Variants in CSMD1 observed in about 807,000 individuals in gnomAD.
The protein encoded by CSMD1 is CUB and Sushi multiple domains 1, also known as CUB and sushi domain-containing protein 1.
A neutral mutation model predicts 417.5 loss-of-function variants in CSMD1; 213 were observed. The ratio of observed to expected loss-of-function variants is 0.51; its 90% CI spans 0.46 to 0.57. The LOEUF is 0.57. Among genes scored for constraint, CSMD1 ranks in the 20% least tolerant of loss-of-function variants. CSMD1 has a pLI of 0.00. For missense variants in CSMD1, 6,923 were observed against 4,529.7 expected (o/e 1.53, Z -15.17); for synonymous variants, 2,862 against 1,736.8 (o/e 1.65, Z -16.11).
intron 2 of CSMD1, among the ~76,000 whole-genome samples, chr8:4,544,107 G>A (rs186658332): frequency 6.6e-6 from 1 of 152,074 alleles, no homozygotes. Context: ...GTCTTTCTTA[G>A]GGTTCTTAAT....
intron 1 of CSMD1, among the ~76,000 whole-genome samples, chr8:4,869,947 A>G (rs1290153803): frequency 3.3e-5 from 5 of 152,078 alleles, no homozygotes; most frequent in Admixed American, 2.6e-4. Context: ...CTAATCTACA[A>G]TAATCTTATA....
chr8:2,992,910 T>C (rs1328648308), intron 54 of CSMD1, among the ~76,000 whole-genome samples: 20 of 151,904 alleles, frequency 1.3e-4, no homozygotes, highest in Admixed American at 1.3e-3. Context: ...GCTGGCTAAT[T>C]TTTGTAGAGA....
chr8:4,303,259 T>C (rs561137356), intron 3 of CSMD1, among the ~76,000 whole-genome samples: 14 of 152,266 alleles, frequency 9.2e-5, no homozygotes, highest in Non-Finnish European at 1.8e-4. Context: ...TCTCATGAAA[T>C]ATAAAAGAAA....
chr8:4,043,847 A>G (rs1289189518), intron 3 of CSMD1, among the ~76,000 whole-genome samples: 2 of 152,206 alleles, frequency 1.3e-5, no homozygotes, highest in African/African-American at 2.4e-5. Context: ...TTTCACATAC[A>G]AAAATGATGA....
At chr8:3,246,057 A>C (rs996898947) in intron 26 of CSMD1, among the ~76,000 whole-genome samples, 5 of 151,940 alleles carry the variant, frequency 3.3e-5, no homozygotes, top group African/African-American at 1.2e-4. Flanking sequence ...CTTCTTGTCT[A>C]CCCCCAGTGC....
At chr8:4,880,983 C>A (rs377010757) in intron 1 of CSMD1, among the ~76,000 whole-genome samples, 2 of 152,074 alleles carry the variant, frequency 1.3e-5, no homozygotes, top group Admixed American at 1.3e-4. Flanking sequence ...ATTTCTGAAA[C>A]CAGTAATGAG....
intron 5 of CSMD1, among the ~76,000 whole-genome samples, chr8:3,773,326 C>G (rs754434428): frequency 6.6e-6 from 1 of 152,136 alleles, no homozygotes; most frequent in Non-Finnish European, 1.5e-5. Context: ...CCCTGTCACC[C>G]AGGCTGGAGT....
At chr8:3,923,582 A>T (rs931924325) in intron 5 of CSMD1, among the ~76,000 whole-genome samples, 5 of 152,192 alleles carry the variant, frequency 3.3e-5, no homozygotes, top group Admixed American at 3.3e-4. Flanking sequence ...AAGCTAATTA[A>T]CATACTCATC....
intron 2 of CSMD1, among the ~76,000 whole-genome samples, chr8:4,530,007 C>T (rs1012397985): frequency 1.1e-4 from 17 of 152,050 alleles, no homozygotes; most frequent in African/African-American, 3.4e-4. Context: ...CCCCGCCTTC[C>T]GGGTTCATGC....
chr8:4,332,913 T>A (rs748502148), intron 3 of CSMD1, among the ~76,000 whole-genome samples: 1 of 150,416 alleles, frequency 6.6e-6, no homozygotes, highest in Admixed American at 6.6e-5. Context: ...AAAAGGGTAC[T>A]TTACTATCAC....
intron 3 of CSMD1, among the ~76,000 whole-genome samples, chr8:4,384,341 C>G (rs74982883): frequency 0.091 from 13,850 of 152,214 alleles, 747 homozygotes; most frequent in South Asian, 0.2. Context: ...AACGCACACA[C>G]CACAATGCAA....
intron 3 of CSMD1, among the ~76,000 whole-genome samples, chr8:4,326,043 C>T (rs1217173399): frequency 6.6e-6 from 1 of 152,100 alleles, no homozygotes; most frequent in Non-Finnish European, 1.5e-5. Context: ...ATTTGTTGAC[C>T]TAACACGGGA....
At chr8:3,279,517 C>T (rs996423667) in intron 26 of CSMD1, among the ~76,000 whole-genome samples, 4 of 152,068 alleles carry the variant, frequency 2.6e-5, no homozygotes, top group South Asian at 4.1e-4. Flanking sequence ...CCACATGGTA[C>T]GTATGACAAT....
intron 3 of CSMD1, among the ~76,000 whole-genome samples, chr8:4,328,853 T>C (rs940773331): frequency 2.8e-4 from 42 of 152,226 alleles, no homozygotes; most frequent in African/African-American, 1.0e-3. Flanking sequence ...CTTGCTAGAA[T>C]AATTATAACT....
At chr8:3,457,785 G>T (rs960567847) in intron 12 of CSMD1, among the ~76,000 whole-genome samples, 1 of 152,146 alleles carries the variant, frequency 6.6e-6, no homozygotes, top group Non-Finnish European at 1.5e-5. Context: ...CCAATTGAAA[G>T]GAAAAAACCT....
At chr8:4,144,061 G>C (rs141671081) in intron 3 of CSMD1, among the ~76,000 whole-genome samples, 1 of 151,352 alleles carries the variant, frequency 6.6e-6, no homozygotes, top group Non-Finnish European at 1.5e-5. Context: ...AGGAAATGGG[G>C]AGACGGAAGT....
At chr8:3,701,894 A>G (rs1210674833) in intron 7 of CSMD1, among the ~76,000 whole-genome samples, 7 of 152,324 alleles carry the variant, frequency 4.6e-5, no homozygotes, top group Middle Eastern at 6.8e-3. Flanking sequence ...ATGAAGGACA[A>G]GAGTCCATCA....
At chr8:3,771,498 C>A (rs902054951) in intron 5 of CSMD1, among the ~76,000 whole-genome samples, 3 of 152,172 alleles carry the variant, frequency 2.0e-5, no homozygotes, top group Non-Finnish European at 4.4e-5. Flanking sequence ...AGCTCTCGAA[C>A]ACACAACAGT....
chr8:3,075,468 A>G (rs1477299887), intron 49 of CSMD1, among the ~76,000 whole-genome samples: 5 of 150,824 alleles, frequency 3.3e-5, no homozygotes, highest in Admixed American at 6.6e-5. Flanking sequence ...TTTAGTAGAG[A>G]CAGGGTTTTT....
Sources: allele counts gnomAD v4.1 joint callset (sites outside exome capture counted in the v4.1 genomes callset), GRCh38; gene constraint gnomAD v4.1.1; transcripts MANE v1.5; gene names NCBI Gene and HGNC (gene_info 2026-07-23, HGNC 2026-07-21).